Variants in SDK1 observed in about 807,000 individuals in gnomAD.
SDK1 encodes the protein protein sidekick-1.
SDK1 carries 157 observed loss-of-function variants against 245.5 expected under a neutral mutation model. That is an observed-to-expected ratio of 0.64 (90% confidence interval 0.56 to 0.73). The LOEUF (loss-of-function observed/expected upper bound fraction) is 0.73. Ranked by LOEUF, SDK1 falls within the 30% of genes least tolerant of loss-of-function variation. The pLI, the probability that SDK1 is intolerant of heterozygous loss-of-function variation, is 0.00. For synonymous variants in SDK1, 1,647 were observed against 1,278.5 expected (o/e 1.29, Z -6.15); for missense variants, 3,583 against 3,002.3 (o/e 1.19, Z -4.52).
intron 1 of SDK1, among the ~76,000 whole-genome samples, chr7:3,572,289 A>C (rs181319134): frequency 1.3e-5 from 2 of 152,096 alleles, no homozygotes; most frequent in Non-Finnish European, 2.9e-5. Context: ...AATTTCGGTC[A>C]AGTAAGGTGT....
At chr7:3,606,283 A>G (rs1042700602) in intron 1 of SDK1, among the ~76,000 whole-genome samples, 7 of 152,094 alleles carry the variant, frequency 4.6e-5, no homozygotes, top group African/African-American at 1.7e-4. Context: ...TGCCACCTTT[A>G]CTGCAACCAG....
chr7:4,145,389 G>A lies in SDK1; in HGVS notation c.4229-333G>A, dbSNP rs1414960977. Among the ~76,000 whole-genome samples the A allele has an allele frequency of 9.2e-5, 14 of 152,172 alleles. No individual in the cohort carries two copies. In the South Asian group the frequency reaches 2.9e-3, roughly 32 times the overall value. ...ACTGCAGGAGGGAGGGAGAGGCAGA[G>A]ACTGAGAAGCCACAGCCCTCTGGGG... is the stretch of plus-strand genomic sequence containing the variant. On this transcript the variant is annotated intron_variant, in intron 28 of 44. Transcript: ENST00000404826.
chr7:3,429,101 C>T (rs914988479), intron 1 of SDK1, among the ~76,000 whole-genome samples: 1 of 152,126 alleles, frequency 6.6e-6, no homozygotes, highest in East Asian at 1.9e-4. Flanking sequence ...TTGTAAGATA[C>T]AATCCAGCTT....
intron 8 of SDK1, among the ~76,000 whole-genome samples, chr7:3,960,411 C>T (rs989541117): frequency 2.0e-5 from 3 of 152,252 alleles, no homozygotes; most frequent in African/African-American, 7.2e-5. Context: ...GGACCTGAAG[C>T]CCTGGACTTA....
chr7:3,524,358 G>A (rs1220631611), intron 1 of SDK1, among the ~76,000 whole-genome samples: 1 of 152,144 alleles, frequency 6.6e-6, no homozygotes. Context: ...TGAGATGGTG[G>A]CAAGGATGGA....
chr7:3,872,257 G>A lies in SDK1; in HGVS notation c.847+50674G>A, dbSNP rs545746406. 7.6e-4 allele frequency among the ~76,000 whole-genome samples: 115 copies of A among 152,132 alleles called. 1 individual carries two copies. The highest frequency in any genetic ancestry group is 2.6e-3 in the African/African-American group (106 of 41,512). On this transcript the variant is annotated intron_variant, in intron 5 of 44. Transcript: ENST00000404826. The stretch of plus-strand genomic sequence containing the variant: ...ATGAGAGTTATTCATCCATAGTTAC[G>A]TTTGCTTGTGATGTGTTTATCTAGC...
Position 3,343,116 on chromosome 7 carries a change from T to G in SDK1, c.298+41232T>G, listed in dbSNP as rs1219598122. On this transcript the variant is annotated intron_variant, in intron 1 of 44. Coordinates refer to ENST00000404826, the MANE Select transcript of SDK1 (RefSeq NM_152744.4). ...CTCTAGAAAACAGTTTGGCGGTTTC[T>G]TATAAAACTAAACGTAGAACTATGA... Among the ~76,000 whole-genome samples, 3 of 152,154 alleles carry G rather than the reference T, an allele frequency of 2.0e-5. 1 individual carries two copies. Among genetic ancestry groups the G allele is most frequent in the Non-Finnish European group, 4.4e-5 (3 of 68,038 alleles).
At chr7:3,977,578 G>C (rs1394913685) in intron 13 of SDK1, among the ~76,000 whole-genome samples, 1 of 152,234 alleles carries the variant, frequency 6.6e-6, no homozygotes, top group African/African-American at 2.4e-5. Flanking sequence ...GTCATCCGTG[G>C]GCTTCCCCGG....
chr7:3,345,721 C>G (rs531024321), intron 1 of SDK1, among the ~76,000 whole-genome samples: 5 of 152,320 alleles, frequency 3.3e-5, no homozygotes, highest in African/African-American at 1.2e-4. Context: ...CTTGCCGTCT[C>G]TTTCCTGTTT....
chr7:3,589,109 T>C (rs944407801), intron 1 of SDK1, among the ~76,000 whole-genome samples: 4 of 152,228 alleles, frequency 2.6e-5, no homozygotes, highest in Non-Finnish European at 5.9e-5. Context: ...TATTACCCCC[T>C]TTTTAGAGAT....
At chr7:3,887,517 A>T (rs1177148931) in intron 5 of SDK1, among the ~76,000 whole-genome samples, 1 of 152,154 alleles carries the variant, frequency 6.6e-6, no homozygotes, top group Non-Finnish European at 1.5e-5. Flanking sequence ...AGGCTGGAAG[A>T]ATTTTGCCTT....
intron 4 of SDK1, among the ~76,000 whole-genome samples, chr7:3,668,548 G>C (rs1783604607): frequency 6.6e-6 from 1 of 152,210 alleles, no homozygotes; most frequent in Non-Finnish European, 1.5e-5. Flanking sequence ...GGCCGAGGCA[G>C]GCAGATCACA....
chr7:3,839,792 T>A (rs946310546), intron 5 of SDK1, among the ~76,000 whole-genome samples: 3 of 152,140 alleles, frequency 2.0e-5, no homozygotes, highest in Non-Finnish European at 4.4e-5. Context: ...ATAGCAATTA[T>A]GATGGATAAT....
rs147975988 is a variant in SDK1 at position 4,178,978 on chromosome 7, G to A, written c.5098+392G>A. Reference sequence around the variant, plus strand: ...GGTCCTTCAGTGGGCTTCGGCAGTGGCCTGGTGACAGCCCATTCTCTAGGT... The same window carrying A: ...GGTCCTTCAGTGGGCTTCGGCAGTGACCTGGTGACAGCCCATTCTCTAGGT... On this transcript the variant is annotated intron_variant, in intron 35 of 44. Transcript: ENST00000404826. 2.8e-3 allele frequency: 497 copies of A among 176,330 alleles called. 3 individuals are homozygous for A. The highest frequency in any genetic ancestry group is 0.02 in the South Asian group (136 of 6,786). 10.9% of individuals were successfully genotyped at this position (176,330 alleles called of 1,614,324 possible).
At chr7:3,398,305 T>A (rs2128572426) in intron 1 of SDK1, among the ~76,000 whole-genome samples, 1 of 152,258 alleles carries the variant, frequency 6.6e-6, no homozygotes, top group Non-Finnish European at 1.5e-5. Flanking sequence ...GCCCTGTTGA[T>A]GTAGTGATAA....
At chr7:3,483,074 T>C (rs573179208) in intron 1 of SDK1, among the ~76,000 whole-genome samples, 25 of 152,336 alleles carry the variant, frequency 1.6e-4, no homozygotes, top group African/African-American at 5.8e-4. Context: ...CATTGTTCTT[T>C]TTAGAAGTTT....
intron 1 of SDK1, among the ~76,000 whole-genome samples, chr7:3,346,172 C>T (rs1780486978): frequency 6.6e-6 from 1 of 152,130 alleles, no homozygotes. Context: ...TTTCAGACTC[C>T]TGTGCATGCA....
At chr7:4,171,369 G>A (rs953908245) in intron 32 of SDK1, among the ~76,000 whole-genome samples, 3 of 152,254 alleles carry the variant, frequency 2.0e-5, no homozygotes, top group African/African-American at 4.8e-5. Context: ...GGCAAGCAGC[G>A]CCGGGGAGGG....
chr7:3,605,429 C>G (rs1409057076), intron 1 of SDK1, among the ~76,000 whole-genome samples: 1 of 152,174 alleles, frequency 6.6e-6, no homozygotes, highest in South Asian at 2.1e-4. Flanking sequence ...ACTGCTGAGT[C>G]TCATCTACTT....
Sources: allele counts gnomAD v4.1 joint callset (sites outside exome capture counted in the v4.1 genomes callset), GRCh38; gene constraint gnomAD v4.1.1; transcripts MANE v1.5; gene names NCBI Gene and HGNC (gene_info 2026-07-23, HGNC 2026-07-21).